The following SCOC variants were observed in gnomAD, a reference collection of about 807,000 sequenced individuals.
SCOC encodes the protein short coiled-coil protein.
SCOC carries 7 observed loss-of-function variants against 9.9 expected under a neutral mutation model. That is an observed-to-expected ratio of 0.71 (90% CI 0.40 to 1.33). The LOEUF is 1.33. Ranked by LOEUF, SCOC falls within the 40% of genes most tolerant of loss-of-function variation. SCOC has a pLI of 0.01. For missense variants in SCOC, 66 were observed against 89.7 expected, an observed-to-expected ratio of 0.74 and a Z score of 1.07; for synonymous variants, 19 against 28.2, an observed-to-expected ratio of 0.67 and a Z score of 1.03.
chr4:140,327,879 G>GT (rs922608256), intron 1 of SCOC, among the ~76,000 whole-genome samples: 168 of 149,418 alleles, frequency 1.1e-3, no homozygotes, highest in African/African-American at 2.3e-3. Context: ...TGTTTGGCAT[G>GT]TTTTTTTTTT....
chr4:140,343,535 T>G, intron 1 of SCOC: 1 of 824,632 alleles, frequency 1.2e-6, no homozygotes, highest in East Asian at 2.7e-5. Flanking sequence ...AGCACCTGCT[T>G]GGAAGTTCAC....
chr4:140,377,214 T>C (rs966594543), intron 1 of SCOC, among the ~76,000 whole-genome samples: 2 of 152,196 alleles, frequency 1.3e-5, no homozygotes, highest in African/African-American at 4.8e-5. Context: ...GTCAGGGAAA[T>C]GTCAAATCAA....
chr4:140,295,792 G>A (rs1481421478), intron 1 of SCOC, among the ~76,000 whole-genome samples: 3 of 152,052 alleles, frequency 2.0e-5, no homozygotes, highest in South Asian at 4.1e-4. Flanking sequence ...TTAGCCGGGC[G>A]CGGTGGCGGG....
upstream of SCOC, among the ~76,000 whole-genome samples, chr4:140,371,954 A>T (rs1310745782): frequency 2.6e-5 from 4 of 152,256 alleles, no homozygotes; most frequent in East Asian, 7.7e-4. Context: ...GAAGTTCTGC[A>T]ATATGCTATA....
In SCOC at chr4:140,326,354, C is replaced by T. The variant is rs190292150; in HGVS notation, c.-18-17267C>T. Among the ~76,000 whole-genome samples the T allele has an allele frequency of 1.6e-3, 243 of 151,504 alleles. 1 individual carries two copies. The highest frequency in any genetic ancestry group is 2.8e-4 in the Non-Finnish European group (19 of 67,856). Reference sequence around the variant, plus strand: ...GTATGCAAATTGAAAAAAAAATCAACGAGGATGTTTAGGGGGAGATCCCAA... The same window carrying T: ...GTATGCAAATTGAAAAAAAAATCAATGAGGATGTTTAGGGGGAGATCCCAA... On this transcript the variant is annotated intron_variant, in intron 1 of 4. Transcript: ENST00000394205.
At chr4:140,266,367 G>A (rs1730728540) in intron 1 of SCOC, among the ~76,000 whole-genome samples, 1 of 152,184 alleles carries the variant, frequency 6.6e-6, no homozygotes. Context: ...GCTGGAAGTA[G>A]CAGATCAGGG....
rs114996572 is a variant in SCOC at position 140,328,621 on chromosome 4, G to A, written c.-18-15000G>A. 9.0e-3 allele frequency among the ~76,000 whole-genome samples: 1,367 copies of A among 152,266 alleles called. 24 individuals carry two copies. Among genetic ancestry groups the A allele is most frequent in the African/African-American group, 0.031 (1,301 of 41,542 alleles). On this transcript the variant is annotated intron_variant, in intron 1 of 4. Coordinates refer to the SCOC transcript ENST00000394205. ...AACCAACTAAAAAAATTCTTACCCT[G>A]AAGTTCTGGAAATGGTTTTGATCTG...
upstream of SCOC, among the ~76,000 whole-genome samples, chr4:140,338,834 T>C (rs1726380696): frequency 6.6e-6 from 1 of 151,420 alleles, no homozygotes; most frequent in Non-Finnish European, 1.5e-5. Flanking sequence ...TCCATGCTCA[T>C]GCGTAGGAAG....
At chr4:140,355,893 AT>A (rs1288185264) in intron 2 of SCOC, among the ~76,000 whole-genome samples, 1 of 152,174 alleles carries the variant, frequency 6.6e-6, no homozygotes, top group East Asian at 1.9e-4. Context: ...TATTTATGCA[AT>A]TTTTTTCATA....
intron 1 of SCOC, among the ~76,000 whole-genome samples, chr4:140,270,107 A>G (rs1269815466): frequency 6.6e-6 from 1 of 152,186 alleles, no homozygotes; most frequent in East Asian, 1.9e-4. Flanking sequence ...TTTAGTGTCA[A>G]ATAGCCTTCA....
intron 1 of SCOC, chr4:140,374,154 G>A (rs1479211514): frequency 2.2e-6 from 1 of 461,998 alleles, no homozygotes; most frequent in African/African-American, 2.0e-5. Flanking sequence ...GGCTGAGGTG[G>A]GGAGGGAGCC....
chr4:140,381,093 AAAAG>A lies in SCOC; in HGVS notation c.243_246del (p.Arg81SerfsTer23). 1 of 1,597,780 alleles carries A rather than the reference AAAAG, an allele frequency of 6.3e-7. No individual in the cohort carries two copies. Among genetic ancestry groups the A allele is most frequent in the Non-Finnish European group, 8.5e-7 (1 of 1,176,070 alleles). ...TTTTCAAACAACTGACACAAAAAGC[AAAAG>A]AAAGTAAGGGATTGACACCCTTCTG... On this transcript the variant is annotated frameshift_variant, in exon 4 of 4. Coordinates refer to ENST00000608372, the MANE Select transcript of SCOC (RefSeq NM_001153484.2). LOFTEE classifies it high-confidence loss of function.
chr4:140,300,265 T>C (rs1021928176), intron 1 of SCOC, among the ~76,000 whole-genome samples: 4 of 152,126 alleles, frequency 2.6e-5, no homozygotes, highest in Admixed American at 6.5e-5. Context: ...CAGGGAGATA[T>C]GGCGCTTCCC....
intron 1 of SCOC, among the ~76,000 whole-genome samples, chr4:140,281,837 AG>A (rs1409878535): frequency 2.6e-5 from 4 of 152,128 alleles, no homozygotes; most frequent in African/African-American, 9.7e-5. Flanking sequence ...TCAGGGGGCG[AG>A]GGGGGACCCT....
At chr4:140,371,819 A>G (rs1262486909), upstream of SCOC, among the ~76,000 whole-genome samples, 1 of 152,252 alleles carries the variant, frequency 6.6e-6, no homozygotes, top group Admixed American at 6.5e-5. Flanking sequence ...ACCCATGTCC[A>G]TAGCAGTATT....
intron 2 of SCOC, among the ~76,000 whole-genome samples, chr4:140,355,987 T>A (rs1050749862): frequency 2.6e-5 from 4 of 152,212 alleles, no homozygotes; most frequent in African/African-American, 9.6e-5. Context: ...TTCAGAAGCA[T>A]GTGAAAATAT....
At chr4:140,379,746 A>C in intron 3 of SCOC, 94 bp downstream of exon 3, 1 of 873,728 alleles carries the variant, frequency 1.1e-6, no homozygotes. Context: ...AGGATGTATA[A>C]TTTTTAAAAG....
chr4:140,373,365 A>G (rs746346591), upstream of SCOC: 87 of 1,441,446 alleles, frequency 6.0e-5, no homozygotes, highest in Middle Eastern at 1.1e-3. Context: ...AGACCTGATG[A>G]GCCGCTTCAC....
chr4:140,275,291 G>A (rs1034145174), intron 1 of SCOC, among the ~76,000 whole-genome samples: 1 of 152,172 alleles, frequency 6.6e-6, no homozygotes, highest in African/African-American at 2.4e-5. Flanking sequence ...ACCACCACCT[G>A]CATGAAACAT....
Sources: gnomAD v4.1 joint callset for allele counts (sites outside exome capture counted in the v4.1 genomes callset) on GRCh38, gnomAD v4.1.1 for gene constraint, MANE v1.5 for transcripts, NCBI Gene and HGNC (gene_info 2026-07-23, HGNC 2026-07-21) for gene names.